The following SENP1 variants were observed in gnomAD, a reference collection of about 807,000 sequenced individuals.
The protein encoded by SENP1 is SUMO specific peptidase 1.
SENP1 carries 21 observed loss-of-function variants against 93.0 expected under a neutral mutation model. The observed-to-expected ratio is 0.23, with a 90% confidence interval of 0.16 to 0.33. The LOEUF is 0.33. Ranked by LOEUF, SENP1 falls within the 10% of genes least tolerant of loss-of-function variation. The pLI is 1.00. For missense variants in SENP1, 591 were observed against 758.7 expected, an observed-to-expected ratio of 0.78 and a Z score of 2.60; for synonymous variants, 256 against 259.6, an observed-to-expected ratio of 0.99 and a Z score of 0.13.
At chr12:48,057,126 A>G (rs1592318177) in intron 13 of SENP1, among the ~76,000 whole-genome samples, 1 of 99,464 alleles carries the variant, frequency 1.0e-5, no homozygotes, top group African/African-American at 4.3e-5. Context: ...TATATATTAC[A>G]TATATAAATA....
Position 48,106,047 on chromosome 12 carries a change from A to C in SENP1, c.-64T>G. 1 of 702,156 alleles carries C rather than the reference A, an allele frequency of 1.4e-6. No individual in the cohort carries two copies. The highest frequency in any genetic ancestry group is 2.6e-6 in the Non-Finnish European group (1 of 384,742). 43.5% of individuals were successfully genotyped at this position (702,156 alleles called of 1,614,324 possible). ...ACTCACCGAACCGGAACCGGCTGCC[A>C]TGCGAAGGGGTTTCCGGCCGGGCGC... On this transcript the variant is annotated 5_prime_UTR_variant, in exon 1 of 18. It removes an upstream start codon present in the reference 5' UTR. Coordinates refer to ENST00000549518, the MANE Select transcript of SENP1 (RefSeq NM_001267594.2).
chr12:48,100,917 G>A (rs960130835), intron 2 of SENP1, among the ~76,000 whole-genome samples: 1 of 152,162 alleles, frequency 6.6e-6, no homozygotes, highest in African/African-American at 2.4e-5. Flanking sequence ...GTTTGCTAGG[G>A]TATACTTAAC....
chr12:48,051,801 A>C (rs1455409375), intron 13 of SENP1, among the ~76,000 whole-genome samples: 3 of 152,250 alleles, frequency 2.0e-5, no homozygotes, highest in Non-Finnish European at 2.9e-5. Flanking sequence ...TCCTCAAACA[A>C]GACTCTCTTA....
intron 5 of SENP1, among the ~76,000 whole-genome samples, chr12:48,086,805 C>A (rs1565794289): frequency 6.6e-6 from 1 of 152,036 alleles, no homozygotes; most frequent in Non-Finnish European, 1.5e-5. Context: ...GATCGGGAGG[C>A]CAAGGAAGGC....
intron 4 of SENP1, 80 bp from the exon 5 acceptor site, chr12:48,089,040 G>A (rs1029112476): frequency 2.0e-6 from 3 of 1,527,522 alleles, no homozygotes; most frequent in African/African-American, 2.8e-5. Flanking sequence ...ACCAACCATT[G>A]TATTCCAAAG....
intron 6 of SENP1, among the ~76,000 whole-genome samples, chr12:48,077,123 T>C (rs1944147549): frequency 1.3e-5 from 2 of 152,252 alleles, no homozygotes; most frequent in Admixed American, 6.5e-5. Context: ...GTCTTGCCTA[T>C]GTTTTAACAG....
intron 5 of SENP1, among the ~76,000 whole-genome samples, chr12:48,084,332 C>T (rs753635525): frequency 7.9e-5 from 12 of 152,088 alleles, no homozygotes; most frequent in Non-Finnish European, 1.5e-4. Flanking sequence ...TATTTACTTC[C>T]TCTGAAGAAT....
At chr12:48,050,594 A>G (rs1166970051) in intron 13 of SENP1, among the ~76,000 whole-genome samples, 1 of 152,220 alleles carries the variant, frequency 6.6e-6, no homozygotes, top group African/African-American at 2.4e-5. Flanking sequence ...ATCAGTTGTT[A>G]CAGATAATAA....
At chr12:48,086,405 G>A (rs995554867) in intron 5 of SENP1, among the ~76,000 whole-genome samples, 7 of 152,090 alleles carry the variant, frequency 4.6e-5, no homozygotes, top group African/African-American at 1.7e-4. Flanking sequence ...TAATTATTAG[G>A]TGATGGCTGA....
chr12:48,059,810 C>G (rs1373019118), intron 13 of SENP1, among the ~76,000 whole-genome samples: 1 of 152,114 alleles, frequency 6.6e-6, no homozygotes, highest in African/African-American at 2.4e-5. Flanking sequence ...AGCCTTTATT[C>G]TAGGGTCAGT....
chr12:48,067,872 T>C (rs1318629024), intron 9 of SENP1, among the ~76,000 whole-genome samples: 1 of 152,014 alleles, frequency 6.6e-6, no homozygotes, highest in Non-Finnish European at 1.5e-5. Context: ...TTAGTGTTGT[T>C]TGTTTGTTTT....
intron 13 of SENP1, among the ~76,000 whole-genome samples, chr12:48,059,792 T>C (rs1309098005): frequency 2.0e-5 from 3 of 152,150 alleles, no homozygotes; most frequent in Non-Finnish European, 4.4e-5. Flanking sequence ...TGATGGTGGG[T>C]CCAGAGCAGC....
chr12:48,099,945 C>T (rs1945811219), intron 2 of SENP1, among the ~76,000 whole-genome samples: 1 of 152,068 alleles, frequency 6.6e-6, no homozygotes, highest in Admixed American at 6.6e-5. Flanking sequence ...ACCTTTGTTA[C>T]TATAGAAGAG....
chr12:48,096,094 T>C (rs936192507), intron 4 of SENP1, among the ~76,000 whole-genome samples: 2 of 152,226 alleles, frequency 1.3e-5, no homozygotes, highest in African/African-American at 4.8e-5. Context: ...CTTTTTACAA[T>C]GGCATAATGG....
intron 5 of SENP1, 111 bp downstream of exon 5, chr12:48,088,690 C>T (rs956270331): frequency 4.8e-6 from 5 of 1,033,002 alleles, no homozygotes; most frequent in Non-Finnish European, 7.2e-6. Context: ...GGTTTAAAGT[C>T]CAAAAATGGT....
intron 13 of SENP1, among the ~76,000 whole-genome samples, chr12:48,059,708 C>T (rs1012129618): frequency 1.3e-5 from 2 of 151,284 alleles, no homozygotes; most frequent in African/African-American, 2.4e-5. Context: ...TTCCTTTAAA[C>T]ATTGTTGGCT....
chr12:48,101,740 A>G lies in SENP1; in HGVS notation c.-44-224T>C, dbSNP rs373852319. 4.6e-5 allele frequency among the ~76,000 whole-genome samples: 7 copies of G among 152,352 alleles called. No individual in the cohort carries two copies. In the East Asian group the frequency reaches 1.3e-3, roughly 29 times the overall value. ...GTACTACATTAAACAGCAATTACAG[A>G]CTACGCACAGAATCACAGAATATTA... On this transcript the variant is annotated intron_variant, in intron 1 of 17. Coordinates refer to ENST00000549518, the MANE Select transcript of SENP1 (RefSeq NM_001267594.2).
chr12:48,071,079 G>A (rs932960924), intron 9 of SENP1, among the ~76,000 whole-genome samples: 4 of 152,096 alleles, frequency 2.6e-5, no homozygotes, highest in South Asian at 2.1e-4. Flanking sequence ...GCAAGACCCT[G>A]TCTCAAAACA....
At chr12:48,089,649 A>G (rs746694560) in intron 4 of SENP1, among the ~76,000 whole-genome samples, 1 of 152,226 alleles carries the variant, frequency 6.6e-6, no homozygotes, top group African/African-American at 2.4e-5. Flanking sequence ...ACAATCTGGC[A>G]TATCAAAAAC....
Sources: allele counts gnomAD v4.1 joint callset (sites outside exome capture counted in the v4.1 genomes callset), GRCh38; gene constraint gnomAD v4.1.1; transcripts MANE v1.5; gene names NCBI Gene and HGNC (gene_info 2026-07-23, HGNC 2026-07-21).